The following ATG14 variants were observed in gnomAD, a reference collection of about 807,000 sequenced individuals.
ATG14 encodes beclin 1-associated autophagy-related key regulator.
A neutral mutation model predicts 60.4 loss-of-function variants in ATG14; 35 were observed. The observed-to-expected ratio is 0.58, with a 90% confidence interval of 0.44 to 0.77. The LOEUF (loss-of-function observed/expected upper bound fraction) is 0.77, where lower values mean the gene tolerates loss of function less well. ATG14 is among the 30% of genes least tolerant of loss of function. ATG14 has a pLI of 0.00. For missense variants in ATG14, 647 were observed against 626.3 expected (o/e 1.03, Z -0.35); for synonymous variants, 234 against 228.8 (o/e 1.02, Z -0.21).
At chr14:55,393,337 A>G (rs371170744) in intron 3 of ATG14, among the ~76,000 whole-genome samples, 4 of 152,032 alleles carry the variant, frequency 2.6e-5, no homozygotes, top group African/African-American at 9.7e-5. Flanking sequence ...GTGAGCCGAG[A>G]TCGCGCCACT....
At chr14:55,375,844 A>G (rs1884908474) in intron 9 of ATG14, among the ~76,000 whole-genome samples, 1 of 152,176 alleles carries the variant, frequency 6.6e-6, no homozygotes. Context: ...TTCCTATGTA[A>G]TCTATTGCAT....
chr14:55,403,635 C>T (rs1036120862), intron 1 of ATG14, among the ~76,000 whole-genome samples: 3 of 151,520 alleles, frequency 2.0e-5, no homozygotes, highest in Non-Finnish European at 4.4e-5. Flanking sequence ...TATTGTGTAC[C>T]GGCATGAAAA....
Position 55,396,001 on chromosome 14 carries a change from G to A in ATG14, c.285-19C>T. 6.4e-7 allele frequency: 1 copy of A among 1,553,852 alleles called. No individual in the cohort carries two copies. The highest frequency in any genetic ancestry group is 8.7e-7 in the Non-Finnish European group (1 of 1,151,472). On this transcript the variant is annotated intron_variant, in intron 2 of 9. Coordinates refer to ENST00000247178, the MANE Select transcript of ATG14 (RefSeq NM_014924.5). ...TAACACTCTGTGAGGAAAAGAGACA[G>A]AAAATAAGCTCTTAAAAATAATAAA...
intron 1 of ATG14, among the ~76,000 whole-genome samples, chr14:55,405,329 CTTCCTCATCCTTTATCCCA>C (rs1160367959): frequency 6.6e-6 from 1 of 152,184 alleles, no homozygotes; most frequent in Non-Finnish European, 1.5e-5. Context: ...ATTTAAATTT[CTTCCTCATCCTTTATCCCA>C]TTTCTCAATT....
intron 3 of ATG14, among the ~76,000 whole-genome samples, chr14:55,392,817 G>A (rs760466352): frequency 2.0e-5 from 3 of 152,144 alleles, no homozygotes; most frequent in Non-Finnish European, 4.4e-5. Context: ...AGATTACAGG[G>A]ATGTTATGGT....
chr14:55,400,909 TAAATAAAATAAAATA>T (rs201067140), intron 1 of ATG14, among the ~76,000 whole-genome samples: 4,226 of 143,330 alleles, frequency 0.029, 87 homozygotes, highest in Non-Finnish European at 0.039. Context: ...CTCAAATAAA[TAAATAAAATAAAATA>T]AAATAAAATA....
At chr14:55,377,715 T>C (rs1884945850) in intron 9 of ATG14, 104 bp downstream of exon 9, 1 of 737,572 alleles carries the variant, frequency 1.4e-6, no homozygotes. Flanking sequence ...TTGTCCGGTT[T>C]GAGGAGTTTG....
At chr14:55,375,910 G>C (rs1042103294) in intron 9 of ATG14, among the ~76,000 whole-genome samples, 2 of 152,098 alleles carry the variant, frequency 1.3e-5, no homozygotes, top group Admixed American at 6.5e-5. Context: ...TTTCCTTGTA[G>C]GTTTATGATA....
At chr14:55,403,601 A>G (rs1885445414) in intron 1 of ATG14, among the ~76,000 whole-genome samples, 1 of 152,204 alleles carries the variant, frequency 6.6e-6, no homozygotes, top group South Asian at 2.1e-4. Flanking sequence ...AAAAGATAAA[A>G]GTTTACAGCT....
chr14:55,374,823 G>A (rs1884888604), intron 9 of ATG14, among the ~76,000 whole-genome samples: 2 of 152,118 alleles, frequency 1.3e-5, no homozygotes, highest in Admixed American at 1.3e-4. Flanking sequence ...ACATATACAA[G>A]AGTCTGTTTC....
chr14:55,380,875 A>ATATATATATTTTTTTTTTT (rs377330757), intron 6 of ATG14, among the ~76,000 whole-genome samples, 185 bp from the exon 7 acceptor site: 4 of 112,732 alleles, frequency 3.5e-5, no homozygotes, highest in Non-Finnish European at 7.0e-5. Context: ...ATATATATAT[A>ATATATATATTTTTTTTTTT]TTTTTTTTTT....
Position 55,397,370 on chromosome 14 carries a change from A to C in ATG14, c.284+2T>G. On this transcript the variant is annotated splice_donor_variant, in intron 2 of 9. Transcript: ENST00000247178. LOFTEE classifies it high-confidence loss of function. ...AATTAAAAGACAAAACAAAACACTC[A>C]CTCTTTCTGAAATTCTTCTTGCTTG... 1 of 1,612,252 alleles carries C rather than the reference A, an allele frequency of 6.2e-7. No individual in the cohort carries two copies. Among genetic ancestry groups the C allele is most frequent in the Non-Finnish European group, 8.5e-7 (1 of 1,178,700 alleles).
At position 55,395,936 on chromosome 14, in the gene ATG14, T is replaced by C. The variant is rs759104470; in HGVS notation, c.327+4A>G. On this transcript the variant is annotated splice_donor_region_variant and intron_variant, in intron 3 of 9. Coordinates refer to ENST00000247178, the MANE Select transcript of ATG14 (RefSeq NM_014924.5). ...AAGTAAAAAGAACATGTATTACAAC[T>C]TACCAACTGATCTGTTATCCATTTT... 2 of 1,587,636 alleles carry C rather than the reference T, an allele frequency of 1.3e-6. No individual in the cohort carries two copies. Among genetic ancestry groups the C allele is most frequent in the Non-Finnish European group, 8.6e-7 (1 of 1,168,298 alleles).
At chr14:55,375,148 A>G (rs1884893827) in intron 9 of ATG14, among the ~76,000 whole-genome samples, 1 of 152,160 alleles carries the variant, frequency 6.6e-6, no homozygotes, top group Admixed American at 6.5e-5. Context: ...AGCCATTCAA[A>G]TAATACATGT....
intron 7 of ATG14, among the ~76,000 whole-genome samples, chr14:55,379,818 A>G (rs544723478): frequency 6.6e-6 from 1 of 152,312 alleles, no homozygotes; most frequent in South Asian, 2.1e-4. Flanking sequence ...CAGCTCCCGG[A>G]TTCAAGCGAT....
chr14:55,397,368 T>G lies in ATG14; in HGVS notation c.284+4A>C. 2 of 1,612,388 alleles carry G rather than the reference T, an allele frequency of 1.2e-6. No individual in the cohort carries two copies. The highest frequency in any genetic ancestry group is 8.5e-7 in the Non-Finnish European group (1 of 1,178,572). On this transcript the variant is annotated splice_donor_region_variant and intron_variant, in intron 2 of 9. Coordinates refer to ENST00000247178, the MANE Select transcript of ATG14 (RefSeq NM_014924.5). ...CAAATTAAAAGACAAAACAAAACAC[T>G]CACTCTTTCTGAAATTCTTCTTGCT...
chr14:55,376,244 G>A (rs1364056510), intron 9 of ATG14, among the ~76,000 whole-genome samples: 1 of 152,208 alleles, frequency 6.6e-6, no homozygotes, highest in Non-Finnish European at 1.5e-5. Context: ...GGCAAGTAAA[G>A]TGGTTGGCCT....
In ATG14 at chr14:55,380,177, G is replaced by A. The variant is rs896279920; in HGVS notation, c.995+396C>T. Among the ~76,000 whole-genome samples the A allele has an allele frequency of 5.9e-5, 9 of 152,170 alleles. No individual in the cohort carries two copies. The South Asian group carries it at 1.7e-3, about 28-fold the overall frequency. On this transcript the variant is annotated intron_variant, in intron 7 of 9. Transcript: ENST00000247178. ...GAGGGAGGATTGCCTGAAACTGTGA[G>A]GTGGAGGTTGCAGTGAGCAGAGATT... is the stretch of plus-strand genomic sequence containing the variant.
rs142431002 is a variant in ATG14, at chr14:55,394,393, T to TA, written c.327+1546dup. On this transcript the variant is annotated intron_variant, in intron 3 of 9. Coordinates refer to ENST00000247178, the MANE Select transcript of ATG14 (RefSeq NM_014924.5). The stretch of plus-strand genomic sequence containing the variant: ...ATTTGTACCCAATTCTTAATATACA[T>TA]ACCCAAAATCTAAAAGCCATGTATT... Among the ~76,000 whole-genome samples the TA allele has an allele frequency of 6.5e-3, 993 of 152,286 alleles. 12 individuals carry two copies. Among genetic ancestry groups the TA allele is most frequent in the African/African-American group, 0.023 (946 of 41,548 alleles).
Sources: gnomAD v4.1 joint callset for allele counts (sites outside exome capture counted in the v4.1 genomes callset) on GRCh38, gnomAD v4.1.1 for gene constraint, MANE v1.5 for transcripts, NCBI Gene and HGNC (gene_info 2026-07-23, HGNC 2026-07-21) for gene names.